SHISA9: variants seen among roughly 807,000 people sequenced by gnomAD.
SHISA9 encodes protein shisa-9.
Under a neutral mutation model 38.0 loss-of-function variants are expected in SHISA9, and 13 were observed. The observed-to-expected ratio is 0.34, with a 90% CI of 0.22 to 0.54. SHISA9 has a LOEUF of 0.54. Among genes scored for constraint, SHISA9 ranks in the 20% least tolerant of loss-of-function variants. The pLI, the probability that SHISA9 is intolerant of heterozygous loss-of-function variation, is 0.91. For missense variants in SHISA9, 538 were observed against 575.8 expected (o/e 0.93, Z 0.67); for synonymous variants, 275 against 242.0 (o/e 1.14, Z -1.27).
chr16:13,072,652 A>T (rs900448285), intron 2 of SHISA9, among the ~76,000 whole-genome samples: 1 of 152,070 alleles, frequency 6.6e-6, no homozygotes, highest in Admixed American at 6.6e-5. Context: ...ATTTTATTTT[A>T]AAAAAGTAAA....
At chr16:13,305,732 C>G in the SHISA9 span, among the ~76,000 whole-genome samples, 2 of 152,220 alleles carry the variant, frequency 1.3e-5, no homozygotes, top group Admixed American at 6.5e-5. Flanking sequence ...TCAAATAACC[C>G]AACTAGATCA....
chr16:12,913,031 G>A (rs1374441300), intron 1 of SHISA9, among the ~76,000 whole-genome samples: 3 of 150,428 alleles, frequency 2.0e-5, no homozygotes, highest in East Asian at 1.9e-4. Flanking sequence ...GATTTACACC[G>A]AATCTCTCCC....
the SHISA9 span, among the ~76,000 whole-genome samples, chr16:13,511,113 AACT>A: frequency 6.6e-6 from 1 of 152,356 alleles, no homozygotes; most frequent in African/African-American, 2.4e-5. Flanking sequence ...AATCAAGAGT[AACT>A]ACTAATAAAT....
At chr16:13,225,068 T>C (rs2051265770) in intron 4 of SHISA9, among the ~76,000 whole-genome samples, 1 of 152,058 alleles carries the variant, frequency 6.6e-6, no homozygotes, top group South Asian at 2.1e-4. Flanking sequence ...GATATCCTTA[T>C]AAGAAGGGAG....
At chr16:13,457,928 C>G in the SHISA9 span, among the ~76,000 whole-genome samples, 1 of 151,770 alleles carries the variant, frequency 6.6e-6, no homozygotes. Flanking sequence ...TTCCTTCCTC[C>G]CTTCCTTCCT....
In SHISA9 at chr16:12,903,532, T is replaced by G. The variant is rs1185144119; in HGVS notation, c.563+905T>G. Among the ~76,000 whole-genome samples, 3 of 151,928 alleles carry G rather than the reference T, an allele frequency of 2.0e-5. 1 individual carries two copies. Among genetic ancestry groups the G allele is most frequent in the Non-Finnish European group, 4.4e-5 (3 of 67,968 alleles). On this transcript the variant is annotated intron_variant, in intron 1 of 4. Coordinates refer to ENST00000558583, the MANE Select transcript of SHISA9 (RefSeq NM_001145204.3). ...TGCTTTTTTTAAATTTTTTTTATTT[T>G]AAGTGTCTAAATCGATTCGCAAACT... is the stretch of plus-strand genomic sequence containing the variant.
At chr16:13,349,388 G>A in the SHISA9 span, among the ~76,000 whole-genome samples, 1 of 152,192 alleles carries the variant, frequency 6.6e-6, no homozygotes. Context: ...AAGTGATAGG[G>A]GACAGACTCT....
intron 3 of SHISA9, among the ~76,000 whole-genome samples, chr16:13,208,267 C>G (rs1291224581): frequency 1.3e-5 from 2 of 151,922 alleles, no homozygotes; most frequent in Admixed American, 6.6e-5. Context: ...CATTTCCTGC[C>G]AACTCAGGGA....
chr16:12,984,666 A>G (rs1216761282), intron 2 of SHISA9, among the ~76,000 whole-genome samples: 1 of 152,220 alleles, frequency 6.6e-6, no homozygotes, highest in Non-Finnish European at 1.5e-5. Flanking sequence ...TGAAAGAGCT[A>G]CTGGGCTTTA....
intron 1 of SHISA9, chr16:12,908,977 T>G: frequency 1.0e-6 from 1 of 1,004,094 alleles, no homozygotes; most frequent in South Asian, 4.3e-5. Flanking sequence ...TGGAAAGAAA[T>G]AGCAACAAAT....
At chr16:13,339,458 A>G in the SHISA9 span, among the ~76,000 whole-genome samples, 1 of 152,168 alleles carries the variant, frequency 6.6e-6, no homozygotes, top group African/African-American at 2.4e-5. Flanking sequence ...TAACTAATTT[A>G]TCTCTCTGAG....
intron 2 of SHISA9, among the ~76,000 whole-genome samples, chr16:12,961,361 G>A (rs549051425): frequency 9.8e-4 from 149 of 152,256 alleles, no homozygotes; most frequent in African/African-American, 3.5e-3. Flanking sequence ...TGTTTTTCTT[G>A]ACGGCAATGG....
chr16:13,229,656 C>G (rs1209016159), intron 4 of SHISA9, among the ~76,000 whole-genome samples: 1 of 152,156 alleles, frequency 6.6e-6, no homozygotes, highest in Non-Finnish European at 1.5e-5. Context: ...CATGTACTGC[C>G]AGGACTGAGA....
the SHISA9 span, among the ~76,000 whole-genome samples, chr16:13,317,011 T>C: frequency 6.6e-6 from 1 of 152,224 alleles, no homozygotes; most frequent in Non-Finnish European, 1.5e-5. Context: ...CAGCTGAACT[T>C]CAGGCTTCAC....
intron 3 of SHISA9, among the ~76,000 whole-genome samples, chr16:13,212,862 G>C (rs2051133874): frequency 6.6e-6 from 1 of 152,200 alleles, no homozygotes; most frequent in African/African-American, 2.4e-5. Context: ...TCTATCTCTT[G>C]TCATCAGAGT....
chr16:13,189,823 C>T (rs1246083872), intron 2 of SHISA9, among the ~76,000 whole-genome samples: 2 of 152,148 alleles, frequency 1.3e-5, no homozygotes, highest in African/African-American at 4.8e-5. Context: ...TTTCCTAACA[C>T]ATTAGAACTG....
chr16:13,491,387 T>TA, the SHISA9 span, among the ~76,000 whole-genome samples: 1 of 151,912 alleles, frequency 6.6e-6, no homozygotes, highest in African/African-American at 2.4e-5. Context: ...AGAGCCTTTT[T>TA]TTTTTTTTTT....
the SHISA9 span, among the ~76,000 whole-genome samples, chr16:13,262,678 G>GAGGAAGGAAGGAAGGAAGGA: frequency 3.5e-3 from 197 of 55,878 alleles, 5 homozygotes; most frequent in Non-Finnish European, 3.3e-3. Context: ...GGAAGGGAGG[G>GAGGAAGGAAGGAAGGAAGGA]AGGAAGGAAG....
chr16:13,117,068 G>A (rs1008831123), intron 2 of SHISA9, among the ~76,000 whole-genome samples: 3 of 152,132 alleles, frequency 2.0e-5, no homozygotes, highest in Non-Finnish European at 4.4e-5. Context: ...CACCTCCCAG[G>A]TTCAAGCAAT....
Sources: allele counts gnomAD v4.1 joint callset (sites outside exome capture counted in the v4.1 genomes callset), GRCh38; gene constraint gnomAD v4.1.1; transcripts MANE v1.5; gene names NCBI Gene and HGNC (gene_info 2026-07-23, HGNC 2026-07-21).